Variants in POTEC observed in about 807,000 individuals in gnomAD.
POTEC encodes ANKRD26-like family B member 2.
Under a neutral mutation model 62.0 loss-of-function variants are expected in POTEC, and 35 were observed. That is an observed-to-expected ratio of 0.56 (90% CI 0.43 to 0.75). The LOEUF is 0.75. POTEC is among the 30% of genes least tolerant of loss of function. The pLI is 0.00. For missense variants in POTEC, 472 were observed against 655.9 expected, an observed-to-expected ratio of 0.72 and a Z score of 3.06; for synonymous variants, 156 against 221.5, an observed-to-expected ratio of 0.70 and a Z score of 2.62.
chr18:14,543,071 T>C lies in POTEC; in HGVS notation c.76A>G (p.Lys26Glu), dbSNP rs756606874. The change falls in exon 1 of 11, where the codon AAG becomes GAG. Residue 26 changes from lysine (K) to glutamate (E), a missense_variant. By Grantham distance (56) the Lys-to-Glu change is moderately conservative (BLOSUM62 1). This residue lies in a region of POTEC where 257 missense variants were observed against 250.7 expected (regional missense o/e 1.03). Coordinates refer to ENST00000358970, the MANE Select transcript of POTEC (RefSeq NM_001137671.2). The part of the protein sequence containing the change: ...KPFDLRSKMG[K>E]WFHHRFPCCK... The stretch of plus-strand genomic sequence containing the variant: ...CAGGGGAAGCGGTGGTGAAACCACT[T>C]GCCCATCTTGCTCCTGAGATCGAAT... 1 of 1,613,106 alleles carries C rather than the reference T, an allele frequency of 6.2e-7. No homozygotes were observed. The highest frequency in any genetic ancestry group is 8.5e-7 in the Non-Finnish European group (1 of 1,179,876).
chr18:14,543,148 T>G lies in POTEC; in HGVS notation c.-2A>C, dbSNP rs765313548. 3.1e-6 allele frequency: 5 copies of G among 1,613,818 alleles called. No individual in the cohort carries two copies. The South Asian group carries it at 5.5e-5, about 18-fold the overall frequency. On this transcript the variant is annotated 5_prime_UTR_variant, in exon 1 of 11. Coordinates refer to ENST00000358970, the MANE Select transcript of POTEC (RefSeq NM_001137671.2). ...CATTGAACAAACCTCAGTCACCATC[T>G]GCTTTTAACAGCCCGGGGAGGCCGG...
intron 9 of POTEC, among the ~76,000 whole-genome samples, chr18:14,518,885 T>G: frequency 6.6e-6 from 1 of 151,528 alleles, no homozygotes; most frequent in East Asian, 1.9e-4. Context: ...AACTTTGACA[T>G]GTACTCCGAG....
intron 3 of POTEC, among the ~76,000 whole-genome samples, chr18:14,535,791 T>C (rs550157197): frequency 1.4e-4 from 21 of 151,938 alleles, no homozygotes; most frequent in Admixed American, 2.6e-4. Flanking sequence ...ACTTGAATGA[T>C]TGAACAAAGG....
chr18:14,536,385 G>A (rs1244780005), intron 3 of POTEC, among the ~76,000 whole-genome samples: 8 of 151,402 alleles, frequency 5.3e-5, no homozygotes, highest in South Asian at 2.1e-4. Context: ...GAGTGTATCC[G>A]GATTTTGAGA....
At chr18:14,524,255 A>G (rs190327834) in intron 7 of POTEC, among the ~76,000 whole-genome samples, 1 of 152,306 alleles carries the variant, frequency 6.6e-6, no homozygotes, top group Non-Finnish European at 1.5e-5. Flanking sequence ...ATTCTGCAAG[A>G]TATGATTCTT....
chr18:14,508,888 C>T lies in POTEC; in HGVS notation c.*3010G>A, dbSNP rs544484141. Reference sequence around the variant, plus strand: ...CATCTTCAATCTTTGAGGTTGCTGACCTTTGGACAGGGTATTTTTCCTTTA... The same window carrying T: ...CATCTTCAATCTTTGAGGTTGCTGATCTTTGGACAGGGTATTTTTCCTTTA... On this transcript the variant is annotated 3_prime_UTR_variant, in exon 11 of 11. Transcript: ENST00000358970. The T allele has an allele frequency of 7.2e-5, 11 of 152,314 alleles. No homozygotes were observed. The highest frequency in any genetic ancestry group is 2.6e-4 in the African/African-American group (11 of 41,564). The allele number at this position is 152,314 out of a possible 1,614,324, so 9.4% of individuals were successfully genotyped here. A position where few individuals can be genotyped will look rare whatever the true frequency, so the allele number is the denominator to read the frequency against.
intron 6 of POTEC, among the ~76,000 whole-genome samples, chr18:14,529,493 T>C (rs1305467334): frequency 6.6e-6 from 1 of 152,176 alleles, no homozygotes; most frequent in Non-Finnish European, 1.5e-5. Flanking sequence ...AGAAGCTTTT[T>C]GATAAATAGA....
intron 6 of POTEC, among the ~76,000 whole-genome samples, chr18:14,527,543 C>T (rs907064857): frequency 3.3e-5 from 5 of 151,878 alleles, no homozygotes; most frequent in African/African-American, 4.8e-5. Context: ...AGGTTAAATA[C>T]TAGTGTACAA....
rs370898161 is a variant in POTEC, at chr18:14,511,956, C to T, written c.1571G>A (p.Arg524His). ...LSHKKEEDLL[R>H]ENSMLQEEIA... is the part of the protein sequence containing the mutation. The stretch of plus-strand genomic sequence containing the variant: ...TTCTTCCTGCAACATGCTGTTTTCA[C>T]GCAAGAGATCTTCTTCTTTCTTATG... Residue 524 changes from arginine (R) to histidine (H), a missense_variant, in exon 11 of 11, where the codon CGT becomes CAT. Physicochemically the swap from Arg to His is conservative, Grantham distance 29. Coordinates refer to ENST00000358970, the MANE Select transcript of POTEC (RefSeq NM_001137671.2). The T allele has an allele frequency of 1.5e-5, 25 of 1,613,592 alleles. No homozygotes were observed. Among genetic ancestry groups the T allele is most frequent in the African/African-American group, 4.0e-5 (3 of 74,856 alleles).
Position 14,524,916 on chromosome 18 carries a change from T to TG in POTEC, c.1193dup (p.Glu399ArgfsTer11), listed in dbSNP as rs1427195695. The TG allele has an allele frequency of 6.2e-7, 1 of 1,605,654 alleles. No homozygotes were observed. Among genetic ancestry groups the TG allele is most frequent in the African/African-American group, 1.3e-5 (1 of 74,394 alleles). ...TTAAATTTAAAATTTTCCATGCCTC[T>TG]GGCTGGCTATTTTCACTGACTTTAA... On this transcript the variant is annotated frameshift_variant, in exon 7 of 11. Coordinates refer to ENST00000358970, the MANE Select transcript of POTEC (RefSeq NM_001137671.2). LOFTEE classifies it high-confidence loss of function.
rs2035571903 is a variant in POTEC, at chr18:14,511,194, C to T, written c.*704G>A. 6.5e-6 allele frequency: 1 copy of T among 153,032 alleles called. No individual in the cohort carries two copies. The highest frequency in any genetic ancestry group is 2.1e-4 in the South Asian group (1 of 4,868). The allele number at this position is 153,032 out of a possible 1,614,324, so 9.5% of individuals were successfully genotyped here. A position where few individuals can be genotyped will look rare whatever the true frequency, so the allele number is the denominator to read the frequency against. On this transcript the variant is annotated 3_prime_UTR_variant, in exon 11 of 11. Coordinates refer to ENST00000358970, the MANE Select transcript of POTEC (RefSeq NM_001137671.2). Reference sequence around the variant, plus strand: ...TCTGTCCCAGGAAGGTTTCAAATCTCCATTGGCCAGGGAACACTGGTGGGT... The same window carrying T: ...TCTGTCCCAGGAAGGTTTCAAATCTTCATTGGCCAGGGAACACTGGTGGGT...
intron 10 of POTEC, among the ~76,000 whole-genome samples, chr18:14,513,422 G>C (rs1385549897): frequency 6.6e-6 from 1 of 152,026 alleles, no homozygotes; most frequent in Non-Finnish European, 1.5e-5. Context: ...CCATTGTGAA[G>C]GTCACTACTC....
At chr18:14,539,504 C>T (rs1905862178) in intron 1 of POTEC, among the ~76,000 whole-genome samples, 1 of 143,660 alleles carries the variant, frequency 7.0e-6, no homozygotes, top group African/African-American at 2.6e-5. Flanking sequence ...ATTTAGCTCC[C>T]ACCTATAAGT....
chr18:14,539,173 T>A (rs1248391790), intron 1 of POTEC, among the ~76,000 whole-genome samples: 2 of 152,048 alleles, frequency 1.3e-5, no homozygotes, highest in Non-Finnish European at 2.9e-5. Context: ...TTATAAAATG[T>A]ATGTACATCA....
At chr18:14,513,286 ATATT>A in intron 10 of POTEC, among the ~76,000 whole-genome samples, 2 of 152,318 alleles carry the variant, frequency 1.3e-5, no homozygotes, top group African/African-American at 4.8e-5. Context: ...TTCTCTATTA[ATATT>A]TTAAAAAGAA....
At chr18:14,514,700 C>G (rs1033205683) in intron 9 of POTEC, among the ~76,000 whole-genome samples, 1 of 123,304 alleles carries the variant, frequency 8.1e-6, no homozygotes, top group Non-Finnish European at 1.6e-5. Flanking sequence ...CTGGGAAGCC[C>G]TAAGGCAGAG....
At chr18:14,517,616 CT>C (rs778837286) in intron 9 of POTEC, among the ~76,000 whole-genome samples, 2 of 151,796 alleles carry the variant, frequency 1.3e-5, no homozygotes, top group African/African-American at 2.4e-5. Context: ...AATCCCAGCA[CT>C]TTGAAAGGCC....
intron 3 of POTEC, among the ~76,000 whole-genome samples, chr18:14,535,553 A>G (rs1905684417): frequency 6.6e-6 from 1 of 151,626 alleles, no homozygotes; most frequent in Non-Finnish European, 1.5e-5. Flanking sequence ...CAGATTGTTA[A>G]CTAGATAGAT....
intron 9 of POTEC, among the ~76,000 whole-genome samples, chr18:14,517,497 G>A (rs1910194606): frequency 6.6e-6 from 1 of 151,598 alleles, no homozygotes; most frequent in Non-Finnish European, 1.5e-5. Flanking sequence ...AAATACCAAA[G>A]GTTCATAATC....
Sources: gnomAD v4.1 joint callset for allele counts (sites outside exome capture counted in the v4.1 genomes callset) on GRCh38, gnomAD v4.1.1 for gene constraint, gnomAD v4.1.1 regional missense constraint, MANE v1.5 for transcripts, NCBI Gene and HGNC (gene_info 2026-07-23, HGNC 2026-07-21) for gene names.